The following UMPS variants were observed in gnomAD, a reference collection of about 807,000 sequenced individuals.
UMPS encodes uridine monophosphate synthetase.
Under a neutral mutation model 38.9 loss-of-function variants are expected in UMPS, and 21 were observed. That is an observed-to-expected ratio of 0.54 (90% confidence interval 0.38 to 0.78). The LOEUF (loss-of-function observed/expected upper bound fraction) is 0.78, where lower values mean the gene tolerates loss of function less well. UMPS is among the 30% of genes least tolerant of loss of function. UMPS has a pLI of 0.00. For missense variants in UMPS, 533 were observed against 591.6 expected (o/e 0.90, Z 1.03); for synonymous variants, 208 against 219.3 (o/e 0.95, Z 0.45).
rs2242248 is a variant in UMPS, at chr3:124,745,135, G to C, written c.*1051G>C. ...AAGGATCCCACATAATTGTCCCAAC[G>C]GTCATTAGTAGAGGGGAGGTAAGCC... On this transcript the variant is annotated 3_prime_UTR_variant, in exon 6 of 6. Transcript: ENST00000232607. 2.4e-5 allele frequency: 11 copies of C among 453,940 alleles called. No individual in the cohort carries two copies. The highest frequency in any genetic ancestry group is 1.7e-4 in the South Asian group (11 of 64,472). 28.1% of individuals were successfully genotyped at this position (453,940 alleles called of 1,614,324 possible).
At chr3:124,735,267 A>C (rs1405340569) in intron 2 of UMPS, 21 bp downstream of exon 2, 1 of 1,598,878 alleles carries the variant, frequency 6.3e-7, no homozygotes. Flanking sequence ...AGTAACATAA[A>C]GCATGAAGTT....
intron 2 of UMPS, 53 bp from the exon 3 acceptor site, chr3:124,737,515 C>A (rs915611805): frequency 6.5e-7 from 1 of 1,528,040 alleles, no homozygotes; most frequent in Non-Finnish European, 9.1e-7. Context: ...CGTATATACG[C>A]ACATATACAT....
In UMPS at chr3:124,748,607, G is replaced by C. The variant is rs760423514; in HGVS notation, c.*4523G>C. The C allele has an allele frequency of 2.2e-6, 1 of 454,096 alleles. No individual in the cohort carries two copies. The highest frequency in any genetic ancestry group is 4.4e-6 in the Non-Finnish European group (1 of 226,790). 28.1% of individuals were successfully genotyped at this position (454,096 alleles called of 1,614,324 possible). Reference sequence around the variant, plus strand: ...CAGATCCTGGTGTGGGCTCTCACGTGCTGCTGCTGAATCCCAGGGAAGGAG... The same window carrying C: ...CAGATCCTGGTGTGGGCTCTCACGTCCTGCTGCTGAATCCCAGGGAAGGAG... On this transcript the variant is annotated 3_prime_UTR_variant, in exon 6 of 6. Transcript: ENST00000232607.
In UMPS at chr3:124,744,111, A is replaced by G. The variant is rs570960898; in HGVS notation, c.*27A>G. 6.8e-5 allele frequency: 110 copies of G among 1,613,188 alleles called. 2 individuals are homozygous for G. The South Asian group carries it at 7.7e-4, about 11-fold the overall frequency. On this transcript the variant is annotated 3_prime_UTR_variant, in exon 6 of 6. Coordinates refer to ENST00000232607, the MANE Select transcript of UMPS (RefSeq NM_000373.4). Reference sequence around the variant, plus strand: ...TGCTTCAGATACATTTTTCAGATACAATGTGAAGACATTGAAGATATGTGG... The same window carrying G: ...TGCTTCAGATACATTTTTCAGATACGATGTGAAGACATTGAAGATATGTGG...
Position 124,745,046 on chromosome 3 carries a change from G to A in UMPS, c.*962G>A, listed in dbSNP as rs2063586126. On this transcript the variant is annotated 3_prime_UTR_variant, in exon 6 of 6. Transcript: ENST00000232607. Reference sequence around the variant, plus strand: ...CAATTATGGACCAGTAGTAACACAAGTGACAGCTTCCTGTGACTGACTTCA... The same window carrying A: ...CAATTATGGACCAGTAGTAACACAAATGACAGCTTCCTGTGACTGACTTCA... 2.2e-6 allele frequency: 1 copy of A among 454,022 alleles called. No homozygotes were observed. The highest frequency in any genetic ancestry group is 2.3e-5 in the Admixed American group (1 of 42,562). The allele number at this position is 454,022 out of a possible 1,614,324, so 28.1% of individuals were successfully genotyped here. A position where few individuals can be genotyped will look rare whatever the true frequency, so the allele number is the denominator to read the frequency against.
intron 2 of UMPS, among the ~76,000 whole-genome samples, chr3:124,736,508 G>T (rs1180963451): frequency 1.3e-5 from 2 of 151,562 alleles, no homozygotes; most frequent in African/African-American, 4.9e-5. Context: ...TCACTCTGTT[G>T]CCCAGGCTGG....
intron 3 of UMPS, among the ~76,000 whole-genome samples, chr3:124,738,935 G>A (rs1457314026): frequency 2.6e-5 from 4 of 152,156 alleles, no homozygotes; most frequent in Non-Finnish European, 4.4e-5. Context: ...CACTTAACCT[G>A]GTAACAGATA....
At chr3:124,731,721 A>T (rs2063479171) in intron 1 of UMPS, 1 of 184,806 alleles carries the variant, frequency 5.4e-6, no homozygotes, top group Non-Finnish European at 1.2e-5. Context: ...ACATGGTGAA[A>T]CCCTGTCTCT....
At chr3:124,733,873 G>A (rs929231673) in intron 1 of UMPS, 2 of 152,094 alleles carry the variant, frequency 1.3e-5, no homozygotes, top group Admixed American at 6.5e-5. Flanking sequence ...ATATAGACAA[G>A]TATGACAGAG....
chr3:124,730,479 T>C lies in UMPS; in HGVS notation c.8T>C (p.Val3Ala), dbSNP rs77018024. 2 of 1,613,894 alleles carry C rather than the reference T, an allele frequency of 1.2e-6. No homozygotes were observed. The highest frequency in any genetic ancestry group is 2.7e-5 in the African/African-American group (2 of 74,922). The stretch of plus-strand genomic sequence containing the variant: ...AACAGGCAGCGCGCGACAATGGCGG[T>C]CGCTCGTGCAGCTTTGGGGCCATTG... Reference protein sequence around the residue: MAVARAALGPLVT... With the variant: MAAARAALGPLVT... The change falls in exon 1 of 6, where the codon GTC (valine) becomes GCC (alanine). Residue 3 changes from valine to alanine, a missense_variant. Transcript: ENST00000232607.
rs1484749259 is a variant in UMPS, at chr3:124,746,411, A to T, written c.*2327A>T. 2.2e-6 allele frequency: 1 copy of T among 454,104 alleles called. No individual in the cohort carries two copies. Among genetic ancestry groups the T allele is most frequent in the Non-Finnish European group, 4.4e-6 (1 of 226,784 alleles). The allele number at this position is 454,104 out of a possible 1,614,324, so 28.1% of individuals were successfully genotyped here. ...TCTGATTTGTATTTCTATTGTGAAG[A>T]GTCAGCCCAGTACTGCAGGCCTCTT... On this transcript the variant is annotated 3_prime_UTR_variant, in exon 6 of 6. Transcript: ENST00000232607.
intron 1 of UMPS, among the ~76,000 whole-genome samples, chr3:124,732,189 A>G (rs1324706173): frequency 1.3e-5 from 2 of 152,188 alleles, no homozygotes; most frequent in African/African-American, 4.8e-5. Flanking sequence ...AACTACTGTA[A>G]TCGAAGCCTA....
rs545908882 is a variant in UMPS, at chr3:124,736,290, T to C, written c.310+1044T>C. On this transcript the variant is annotated intron_variant, in intron 2 of 5. Coordinates refer to ENST00000232607, the MANE Select transcript of UMPS (RefSeq NM_000373.4). ...TAAATAAATAAAACCTGAAAAGCAA[T>C]CTTAATGATAGTAAGGAATTAATGG... 2.0e-5 allele frequency among the ~76,000 whole-genome samples: 3 copies of C among 152,166 alleles called. No individual in the cohort carries two copies. The South Asian group carries it at 6.2e-4, about 32-fold the overall frequency.
In UMPS at chr3:124,747,816, C is replaced by T. The variant is rs111966656; in HGVS notation, c.*3732C>T. ...CTCTGGCTGCATCAGCGATCTCTCC[C>T]AGCGAAATAGCTGCTTGGTCTTGTG... On this transcript the variant is annotated 3_prime_UTR_variant, in exon 6 of 6. Coordinates refer to ENST00000232607, the MANE Select transcript of UMPS (RefSeq NM_000373.4). The T allele has an allele frequency of 3.4e-3, 1,552 of 451,952 alleles. 19 individuals are homozygous for T. Among genetic ancestry groups the T allele is most frequent in the African/African-American group, 0.029 (1,436 of 50,062 alleles). The allele number at this position is 451,952 out of a possible 1,614,324, so 28.0% of individuals were successfully genotyped here.
rs568439099 is a variant in UMPS at position 124,749,232 on chromosome 3, A to G, written c.*5148A>G. 7.5e-5 allele frequency: 34 copies of G among 453,602 alleles called. No homozygotes were observed. Among genetic ancestry groups the G allele is most frequent in the South Asian group, 5.3e-4 (34 of 64,336 alleles). The allele number at this position is 453,602 out of a possible 1,614,324, so 28.1% of individuals were successfully genotyped here. A position where few individuals can be genotyped will look rare whatever the true frequency, so the allele number is the denominator to read the frequency against. ...TTAAAAAAAATATATACATAAAAATATGGGTTCTTTTCAACCTGAATAGAT... is the reference window on the plus strand; with the variant it reads ...TTAAAAAAAATATATACATAAAAATGTGGGTTCTTTTCAACCTGAATAGAT... On this transcript the variant is annotated 3_prime_UTR_variant, in exon 6 of 6. Coordinates refer to ENST00000232607, the MANE Select transcript of UMPS (RefSeq NM_000373.4).
chr3:124,735,081 ATTTTC>A lies in UMPS; in HGVS notation c.157-9_157-5del. On this transcript the variant is annotated splice_region_variant and splice_polypyrimidine_tract_variant and intron_variant, in intron 1 of 5. Transcript: ENST00000232607. Reference sequence around the variant, plus strand: ...ACAATAAAACATTGTTTATGTGTTCATTTTCTTACAGGTTGCAGATATTTTATTCC... The same window carrying A: ...ACAATAAAACATTGTTTATGTGTTCATTACAGGTTGCAGATATTTTATTCC... The A allele has an allele frequency of 6.2e-7, 1 of 1,611,830 alleles. No individual in the cohort carries two copies. The highest frequency in any genetic ancestry group is 8.5e-7 in the Non-Finnish European group (1 of 1,178,444).
chr3:124,738,195 G>A lies in UMPS; in HGVS notation c.938G>A (p.Arg313Gln), dbSNP rs758546852. 29 of 1,613,968 alleles carry A rather than the reference G, an allele frequency of 1.8e-5. No individual in the cohort carries two copies. Among genetic ancestry groups the A allele is most frequent in the Non-Finnish European group, 2.0e-5 (24 of 1,180,028 alleles). ...KCHEFLIFED[R>Q]KFADIGNTVK... ...CATGAGTTCTTGATATTTGAAGACC[G>A]GAAGTTTGCAGATATAGGAAACACA... The change falls in exon 3 of 6, where the codon CGG becomes CAG. Residue 313 changes from arginine to glutamine, a missense_variant. Arg to Gln is a conservative substitution (Grantham distance 43). Coordinates refer to ENST00000232607, the MANE Select transcript of UMPS (RefSeq NM_000373.4).
chr3:124,739,613 C>T (rs2063542160), intron 3 of UMPS, among the ~76,000 whole-genome samples: 1 of 152,228 alleles, frequency 6.6e-6, no homozygotes, highest in South Asian at 2.1e-4. Flanking sequence ...GGATTACAAG[C>T]ATGAGCCACC....
In UMPS at chr3:124,745,439, C is replaced by G; in HGVS notation, c.*1355C>G. On this transcript the variant is annotated 3_prime_UTR_variant, in exon 6 of 6. Transcript: ENST00000232607. ...AGTTCAGTGGCACGATCTCGGCTCA[C>G]TGCAACTTCTGCCTCTCTGGTTCAA... 1 of 453,664 alleles carries G rather than the reference C, an allele frequency of 2.2e-6. No homozygotes were observed. Among genetic ancestry groups the G allele is most frequent in the South Asian group, 1.6e-5 (1 of 64,448 alleles). 28.1% of individuals were successfully genotyped at this position (453,664 alleles called of 1,614,324 possible).
Sources: allele counts gnomAD v4.1 joint callset (sites outside exome capture counted in the v4.1 genomes callset), GRCh38; gene constraint gnomAD v4.1.1; transcripts MANE v1.5; gene names NCBI Gene and HGNC (gene_info 2026-07-23, HGNC 2026-07-21).